YOD1: variants seen among roughly 807,000 people sequenced by gnomAD.
YOD1 encodes YOD1 deubiquitinase, also known as ubiquitin thioesterase OTU1.
A neutral mutation model predicts 23.7 loss-of-function variants in YOD1; 17 were observed. That is an observed-to-expected ratio of 0.72 (90% CI 0.49 to 1.07). The LOEUF is 1.07. Ranked by LOEUF, YOD1 falls within the 50% of genes least tolerant of loss-of-function variation. YOD1 has a pLI of 0.00. For missense variants in YOD1, 413 were observed against 447.2 expected (o/e 0.92, Z 0.69); for synonymous variants, 191 against 169.6 (o/e 1.13, Z -0.98).
rs1572707180 is a variant in YOD1 at position 207,044,340 on chromosome 1, T to C, written c.*4680A>G. The C allele has an allele frequency of 6.5e-6, 1 of 152,712 alleles. No homozygotes were observed. The highest frequency in any genetic ancestry group is 1.9e-4 in the East Asian group (1 of 5,192). The allele number at this position is 152,712 out of a possible 1,614,324, so 9.5% of individuals were successfully genotyped here. A position where few individuals can be genotyped will look rare whatever the true frequency, so the allele number is the denominator to read the frequency against. On this transcript the variant is annotated 3_prime_UTR_variant, in exon 2 of 2. Coordinates refer to ENST00000315927, the MANE Select transcript of YOD1 (RefSeq NM_018566.4). ...ACTATTCTGCTAAGTACATATTTCC[T>C]GTAAACAGCTGGAGTCCTGAATGGC...
Position 207,048,819 on chromosome 1 carries a change from T to C in YOD1, c.*201A>G. Reference sequence around the variant, plus strand: ...GCAGAAAGAGGCATGTATGTACAGTTTACCACTGTAGACACACATCTGTAA... The same window carrying C: ...GCAGAAAGAGGCATGTATGTACAGTCTACCACTGTAGACACACATCTGTAA... On this transcript the variant is annotated 3_prime_UTR_variant, in exon 2 of 2. Coordinates refer to ENST00000315927, the MANE Select transcript of YOD1 (RefSeq NM_018566.4). The C allele has an allele frequency of 1.7e-6, 1 of 583,250 alleles. No individual in the cohort carries two copies. Among genetic ancestry groups the C allele is most frequent in the Non-Finnish European group, 3.0e-6 (1 of 330,974 alleles). 36.1% of individuals were successfully genotyped at this position (583,250 alleles called of 1,614,324 possible).
rs974259983 is a variant in YOD1, at chr1:207,049,123, C to T, written c.944G>A (p.Arg315His). Residue 315 changes from arginine to histidine, a missense_variant, in exon 2 of 2, where the codon CGC becomes CAC. Coordinates refer to ENST00000315927, the MANE Select transcript of YOD1 (RefSeq NM_018566.4). ...ACATACCATGCATCTCAGGGTGAAGCGGTTGACATCAGTAAACTGTCTCCT... is the reference window on the plus strand; with the variant it reads ...ACATACCATGCATCTCAGGGTGAAGTGGTTGACATCAGTAAACTGTCTCCT... ...RRRRQFTDVNRFTLRCMVCQK... is the reference protein window; with the variant it reads ...RRRRQFTDVNHFTLRCMVCQK... 6 of 1,613,782 alleles carry T rather than the reference C, an allele frequency of 3.7e-6. No homozygotes were observed. Among genetic ancestry groups the T allele is most frequent in the East Asian group, 2.2e-5 (1 of 44,856 alleles).
At position 207,048,745 on chromosome 1, in the gene YOD1, T is replaced by A. The variant is rs1682659184; in HGVS notation, c.*275A>T. On this transcript the variant is annotated 3_prime_UTR_variant, in exon 2 of 2. Coordinates refer to ENST00000315927, the MANE Select transcript of YOD1 (RefSeq NM_018566.4). ...TAGTTTATAATACTCAATCTCAACC[T>A]TCAGGTCAGTGTCAGTAGGTGGCAA... 1 of 392,480 alleles carries A rather than the reference T, an allele frequency of 2.5e-6. No homozygotes were observed. The highest frequency in any genetic ancestry group is 4.6e-6 in the Non-Finnish European group (1 of 215,348). 24.3% of individuals were successfully genotyped at this position (392,480 alleles called of 1,614,324 possible).
At position 207,050,730 on chromosome 1, in the gene YOD1, T is replaced by G; in HGVS notation, c.301A>C (p.Ser101Arg). 1 of 1,613,338 alleles carries G rather than the reference T, an allele frequency of 6.2e-7. No homozygotes were observed. Among genetic ancestry groups the G allele is most frequent in the Non-Finnish European group, 8.5e-7 (1 of 1,180,028 alleles). Residue 101 changes from serine to arginine, a missense_variant, in exon 1 of 2, where the codon AGC becomes CGC. Transcript: ENST00000315927. ...VGYPPECLDL[S>R]NGDTILEDLP... The stretch of plus-strand genomic sequence containing the variant: ...TCTTCCAGAATGGTATCCCCATTGC[T>G]GAGATCCAGGCACTCGGGAGGGTAT...
In YOD1 at chr1:207,048,756, G is replaced by A. The variant is rs1442614135; in HGVS notation, c.*264C>T. ...ACTCAATCTCAACCTTCAGGTCAGTGTCAGTAGGTGGCAAGGATCACCTAT... is the reference window on the plus strand; with the variant it reads ...ACTCAATCTCAACCTTCAGGTCAGTATCAGTAGGTGGCAAGGATCACCTAT... On this transcript the variant is annotated 3_prime_UTR_variant, in exon 2 of 2. Coordinates refer to ENST00000315927, the MANE Select transcript of YOD1 (RefSeq NM_018566.4). 7 of 429,116 alleles carry A rather than the reference G, an allele frequency of 1.6e-5. No individual in the cohort carries two copies. The highest frequency in any genetic ancestry group is 2.5e-5 in the Non-Finnish European group (6 of 236,950). 26.6% of individuals were successfully genotyped at this position (429,116 alleles called of 1,614,324 possible). A position where few individuals can be genotyped will look rare whatever the true frequency, so the allele number is the denominator to read the frequency against.
chr1:207,052,106 C>T (rs1370715133), upstream of YOD1: 2 of 1,263,968 alleles, frequency 1.6e-6, no homozygotes, highest in Non-Finnish European at 2.3e-6. Flanking sequence ...GTCCCACTTG[C>T]CAAGAGTGGG....
rs1343294340 is a variant in YOD1, at chr1:207,051,080, T to C, written c.-50A>G. 7.5e-6 allele frequency: 11 copies of C among 1,459,442 alleles called. No individual in the cohort carries two copies. The highest frequency in any genetic ancestry group is 4.5e-4 in the Middle Eastern group (2 of 4,484). The allele number at this position is 1,459,442 out of a possible 1,614,324, so 90.4% of individuals were successfully genotyped here. A position where few individuals can be genotyped will look rare whatever the true frequency, so the allele number is the denominator to read the frequency against. On this transcript the variant is annotated 5_prime_UTR_variant, in exon 1 of 2. Transcript: ENST00000315927. ...GTTATCGCGACGCTTCGGTGCGGCT[T>C]CTGCCTTAGTACCTTAGCAAGCGCG...
rs1429412428 is a variant in YOD1 at position 207,046,749 on chromosome 1, C to T, written c.*2271G>A. 3.9e-5 allele frequency: 6 copies of T among 151,998 alleles called. No homozygotes were observed. Among genetic ancestry groups the T allele is most frequent in the Non-Finnish European group, 7.4e-5 (5 of 67,908 alleles). 9.4% of individuals were successfully genotyped at this position (151,998 alleles called of 1,614,324 possible). On this transcript the variant is annotated 3_prime_UTR_variant, in exon 2 of 2. Coordinates refer to ENST00000315927, the MANE Select transcript of YOD1 (RefSeq NM_018566.4). ...TTCTGTAAAATATCAGTGTTCTATT[C>T]CTTTCCATTTGTTAAATTTACCCAC...
rs1682530643 is a variant in YOD1, at chr1:207,043,867, T to C, written c.*5153A>G. The stretch of plus-strand genomic sequence containing the variant: ...TCAAACAACGTTTTCACTTCATTTA[T>C]TCCTTTGAAACAAGTCACTTAATAC... On this transcript the variant is annotated 3_prime_UTR_variant, in exon 2 of 2. Transcript: ENST00000315927. 1 of 152,638 alleles carries C rather than the reference T, an allele frequency of 6.6e-6. No individual in the cohort carries two copies. Among genetic ancestry groups the C allele is most frequent in the Non-Finnish European group, 1.5e-5 (1 of 68,008 alleles). 9.5% of individuals were successfully genotyped at this position (152,638 alleles called of 1,614,324 possible). A position where few individuals can be genotyped will look rare whatever the true frequency, so the allele number is the denominator to read the frequency against.
Position 207,051,186 on chromosome 1 carries a change from G to C in YOD1, c.-156C>G, listed in dbSNP as rs1167094321. 27 of 1,371,048 alleles carry C rather than the reference G, an allele frequency of 2.0e-5. No individual in the cohort carries two copies. The highest frequency in any genetic ancestry group is 1.1e-4 in the South Asian group (7 of 61,382). 84.9% of individuals were successfully genotyped at this position (1,371,048 alleles called of 1,614,324 possible). ...CCTCCGTATTCCTAAAGGACAACGG[G>C]TCTTGCTACCTATAGAGCGAGTGAG... On this transcript the variant is annotated 5_prime_UTR_variant, in exon 1 of 2. Coordinates refer to ENST00000315927, the MANE Select transcript of YOD1 (RefSeq NM_018566.4).
rs1394223238 is a variant in YOD1, at chr1:207,047,151, GA to G, written c.*1868del. The G allele has an allele frequency of 6.6e-6, 1 of 152,484 alleles. No individual in the cohort carries two copies. Among genetic ancestry groups the G allele is most frequent in the Non-Finnish European group, 1.5e-5 (1 of 67,936 alleles). 9.4% of individuals were successfully genotyped at this position (152,484 alleles called of 1,614,324 possible). ...GAGAGATTTTCAATCCCATTAATTT[GA>G]ACACATTATGATTGCCAAACATTAA... On this transcript the variant is annotated 3_prime_UTR_variant, in exon 2 of 2. Transcript: ENST00000315927.
chr1:207,049,527 A>C lies in YOD1; in HGVS notation c.540T>G (p.Pro180=). ...EGGVLNPACA[P]EMRRLIAQIV... is the part of the protein sequence containing the mutation. ...TTTGTGCTATGAGGCGTCTCATCTC[A>C]GGGGCACAAGCTGGATTCAAGACTC... Residue 180 remains proline, a synonymous_variant, in exon 2 of 2, where the codon CCT becomes CCG. Coordinates refer to ENST00000315927, the MANE Select transcript of YOD1 (RefSeq NM_018566.4). 1 of 1,614,168 alleles carries C rather than the reference A, an allele frequency of 6.2e-7. No individual in the cohort carries two copies. The highest frequency in any genetic ancestry group is 8.5e-7 in the Non-Finnish European group (1 of 1,180,030).
chr1:207,045,409 T>C lies in YOD1; in HGVS notation c.*3611A>G, dbSNP rs937003708. The C allele has an allele frequency of 6.6e-6, 1 of 152,492 alleles. No individual in the cohort carries two copies. The highest frequency in any genetic ancestry group is 2.4e-5 in the African/African-American group (1 of 41,434). The allele number at this position is 152,492 out of a possible 1,614,324, so 9.4% of individuals were successfully genotyped here. ...TAGATACACTCTACACTGATGGCAATCTTTGATTAAGAAGAGCTGATGGTT... is the reference window on the plus strand; with the variant it reads ...TAGATACACTCTACACTGATGGCAACCTTTGATTAAGAAGAGCTGATGGTT... On this transcript the variant is annotated 3_prime_UTR_variant, in exon 2 of 2. Transcript: ENST00000315927.
chr1:207,049,747 G>T (rs766907817), intron 1 of YOD1, 24 bp from the exon 2 acceptor site: 3 of 1,579,110 alleles, frequency 1.9e-6, no homozygotes, highest in South Asian at 1.2e-5. Context: ...AACAAATCCC[G>T]ATCTGCAAAG....
At position 207,045,950 on chromosome 1, in the gene YOD1, A is replaced by C. The variant is rs1405070147; in HGVS notation, c.*3070T>G. ...ATGCTAATTTCATGGGAAACAATGA[A>C]GAAATCAACCATGAACCATTAGCAA... On this transcript the variant is annotated 3_prime_UTR_variant, in exon 2 of 2. Transcript: ENST00000315927. 2 of 152,126 alleles carry C rather than the reference A, an allele frequency of 1.3e-5. No individual in the cohort carries two copies. Among genetic ancestry groups the C allele is most frequent in the Non-Finnish European group, 2.9e-5 (2 of 67,940 alleles). 9.4% of individuals were successfully genotyped at this position (152,126 alleles called of 1,614,324 possible).
rs1682710311 is a variant in YOD1, at chr1:207,050,441, A to C, written c.343+247T>G. Among the ~76,000 whole-genome samples the C allele has an allele frequency of 1.3e-5, 2 of 152,196 alleles. 1 individual carries two copies. Among genetic ancestry groups the C allele is most frequent in the South Asian group, 4.1e-4 (2 of 4,824 alleles). On this transcript the variant is annotated intron_variant, in intron 1 of 1. Coordinates refer to ENST00000315927, the MANE Select transcript of YOD1 (RefSeq NM_018566.4). ...ATGGGATAGTTTCAAAGCCGACCAG[A>C]AAGCGGAATGGGGAAGGGGGTCTTC...
rs1378635687 is a variant in YOD1, at chr1:207,047,999, G to C, written c.*1021C>G. On this transcript the variant is annotated 3_prime_UTR_variant, in exon 2 of 2. Coordinates refer to ENST00000315927, the MANE Select transcript of YOD1 (RefSeq NM_018566.4). ...CTTACAAAAACCAACCCAAAGCAGAGCATTATTACTTGAAAAAAATTTTTT... is the reference window on the plus strand; with the variant it reads ...CTTACAAAAACCAACCCAAAGCAGACCATTATTACTTGAAAAAAATTTTTT... 2 of 152,092 alleles carry C rather than the reference G, an allele frequency of 1.3e-5. No homozygotes were observed. The highest frequency in any genetic ancestry group is 2.9e-5 in the Non-Finnish European group (2 of 67,990). The allele number at this position is 152,092 out of a possible 1,614,324, so 9.4% of individuals were successfully genotyped here.
At chr1:207,050,648 C>T (rs745847935) in intron 1 of YOD1, 40 bp downstream of exon 1, 12 of 1,604,854 alleles carry the variant, frequency 7.5e-6, no homozygotes, top group Admixed American at 3.5e-5. Context: ...CCCTCTCCAT[C>T]CTCCCGGGAC....
At position 207,050,992 on chromosome 1, in the gene YOD1, G is replaced by C. The variant is rs765201156; in HGVS notation, c.39C>G (p.His13Gln). 3 of 1,533,152 alleles carry C rather than the reference G, an allele frequency of 2.0e-6. No individual in the cohort carries two copies. Among genetic ancestry groups the C allele is most frequent in the African/African-American group, 1.4e-5 (1 of 72,530 alleles). 95.0% of individuals were successfully genotyped at this position (1,533,152 alleles called of 1,614,324 possible). A position where few individuals can be genotyped will look rare whatever the true frequency, so the allele number is the denominator to read the frequency against. Residue 13 changes from histidine to glutamine, a missense_variant, in exon 1 of 2, where the codon CAC (histidine) becomes CAG (glutamine). By Grantham distance (24) the His-to-Gln change is conservative. Coordinates refer to ENST00000315927, the MANE Select transcript of YOD1 (RefSeq NM_018566.4). ...GPAKGRHFGV[H>Q]PAPGFPGGVS... is the part of the protein sequence containing the mutation. ...CGCCGCCGGGGAAACCAGGCGCCGG[G>C]TGGACTCCAAAATGGCGACCTTTAG...
Sources: gnomAD v4.1 joint callset for allele counts (sites outside exome capture counted in the v4.1 genomes callset) on GRCh38, gnomAD v4.1.1 for gene constraint, MANE v1.5 for transcripts, NCBI Gene and HGNC (gene_info 2026-07-23, HGNC 2026-07-21) for gene names.